The following DNAH9 variants were observed in gnomAD, a reference collection of about 807,000 sequenced individuals.
The protein encoded by DNAH9 is dynein axonemal heavy chain 9, also known as DNAH9 variant protein.
DNAH9 carries 345 observed loss-of-function variants against 471.6 expected under a neutral mutation model. The ratio of observed to expected loss-of-function variants is 0.73; its 90% confidence interval spans 0.67 to 0.80. DNAH9 has a LOEUF of 0.80. DNAH9 is among the 30% of genes least tolerant of loss of function. The probability of loss-of-function intolerance (pLI) is 0.00; values close to 1 mark genes in which losing one functional copy is unlikely to be tolerated. For missense variants in DNAH9, 5,407 were observed against 5,609.2 expected, an observed-to-expected ratio of 0.96 and a Z score of 1.15; for synonymous variants, 2,093 against 2,123.6, an observed-to-expected ratio of 0.99 and a Z score of 0.40.
chr17:11,948,980 A>G (rs1049900352), intron 67 of DNAH9, among the ~76,000 whole-genome samples: 5 of 152,208 alleles, frequency 3.3e-5, no homozygotes, highest in Non-Finnish European at 7.3e-5. Flanking sequence ...CTTCAGACAC[A>G]TCAGAGATCA....
chr17:11,801,334 G>T (rs190643263), intron 43 of DNAH9, among the ~76,000 whole-genome samples: 159 of 152,270 alleles, frequency 1.0e-3, no homozygotes, highest in Admixed American at 2.5e-3. Context: ...CTTGCTCACT[G>T]CTGAAACCTT....
At chr17:11,772,901 G>A (rs928022094) in intron 38 of DNAH9, among the ~76,000 whole-genome samples, 1 of 152,204 alleles carries the variant, frequency 6.6e-6, no homozygotes, top group Non-Finnish European at 1.5e-5. Flanking sequence ...GAAAAATGCT[G>A]TATTCCCTTA....
intron 27 of DNAH9, among the ~76,000 whole-genome samples, chr17:11,725,232 G>A (rs967074773): frequency 6.6e-6 from 1 of 152,188 alleles, no homozygotes; most frequent in Non-Finnish European, 1.5e-5. Context: ...CTGATTTAAG[G>A]TACACAAACA....
At chr17:11,840,050 A>G (rs1373299950) in intron 49 of DNAH9, among the ~76,000 whole-genome samples, 10 of 152,314 alleles carry the variant, frequency 6.6e-5, no homozygotes, top group Non-Finnish European at 4.4e-5. Flanking sequence ...TGACCCAGCA[A>G]TCCCTCTTTT....
At chr17:11,610,980 C>G (rs2072621949) in intron 3 of DNAH9, among the ~76,000 whole-genome samples, 1 of 152,076 alleles carries the variant, frequency 6.6e-6, no homozygotes, top group African/African-American at 2.4e-5. Flanking sequence ...TTCCTGTGTT[C>G]CGGCTCATCA....
chr17:11,710,541 A>T (rs2074811106), intron 26 of DNAH9, among the ~76,000 whole-genome samples: 1 of 152,146 alleles, frequency 6.6e-6, no homozygotes, highest in South Asian at 2.1e-4. Context: ...TATTATTCAA[A>T]ATTGTATCAA....
intron 43 of DNAH9, among the ~76,000 whole-genome samples, chr17:11,801,358 AT>A (rs1969450859): frequency 6.6e-6 from 1 of 152,168 alleles, no homozygotes; most frequent in Non-Finnish European, 1.5e-5. Flanking sequence ...ATCTTAGACA[AT>A]GCCTAGTGCA....
At chr17:11,644,998 C>G (rs2073353845) in intron 11 of DNAH9, among the ~76,000 whole-genome samples, 1 of 152,182 alleles carries the variant, frequency 6.6e-6, no homozygotes, top group Non-Finnish European at 1.5e-5. Flanking sequence ...CGGAAAATTG[C>G]AACAGCTGCT....
intron 64 of DNAH9, among the ~76,000 whole-genome samples, chr17:11,933,368 T>C (rs1363026012): frequency 6.6e-6 from 1 of 152,022 alleles, no homozygotes; most frequent in Non-Finnish European, 1.5e-5. Flanking sequence ...GATGTAATTC[T>C]TCAAGCTTTT....
chr17:11,692,105 C>T (rs1380886059), intron 20 of DNAH9, among the ~76,000 whole-genome samples: 1 of 152,146 alleles, frequency 6.6e-6, no homozygotes, highest in Non-Finnish European at 1.5e-5. Flanking sequence ...CCAGCCTACC[C>T]TCTTGTTTTT....
chr17:11,843,413 A>G (rs1391114611), intron 49 of DNAH9, among the ~76,000 whole-genome samples: 1 of 152,190 alleles, frequency 6.6e-6, no homozygotes, highest in Non-Finnish European at 1.5e-5. Flanking sequence ...AAATTTGTTG[A>G]AACTGTGAAG....
chr17:11,619,982 G>A (rs1398925952), intron 6 of DNAH9: 2 of 562,498 alleles, frequency 3.6e-6, no homozygotes, highest in African/African-American at 3.8e-5. Context: ...AGGCAAAGGT[G>A]GGTGGATTGC....
chr17:11,797,121 T>A (rs563126751), intron 42 of DNAH9, among the ~76,000 whole-genome samples: 2 of 152,264 alleles, frequency 1.3e-5, no homozygotes, highest in South Asian at 4.1e-4. Context: ...ACCTATGAAT[T>A]CAGGGCTGGC....
intron 33 of DNAH9, among the ~76,000 whole-genome samples, chr17:11,755,773 A>G (rs946475373): frequency 1.3e-5 from 2 of 152,186 alleles, no homozygotes; most frequent in Non-Finnish European, 2.9e-5. Context: ...AGAAAATACT[A>G]TTCATCACAA....
intron 7 of DNAH9, among the ~76,000 whole-genome samples, chr17:11,629,831 C>T (rs570049984): frequency 1.3e-5 from 2 of 152,314 alleles, no homozygotes; most frequent in South Asian, 4.1e-4. Context: ...CTGCTCCAGA[C>T]TAATGACACC....
At chr17:11,854,769 G>T (rs1971563050) in intron 50 of DNAH9, among the ~76,000 whole-genome samples, 1 of 152,102 alleles carries the variant, frequency 6.6e-6, no homozygotes, top group Non-Finnish European at 1.5e-5. Context: ...GTTCCCTTCA[G>T]TTCTAGCCAA....
chr17:11,903,061 C>A (rs1251986689), intron 60 of DNAH9, 149 bp downstream of exon 60: 2 of 875,338 alleles, frequency 2.3e-6, no homozygotes, highest in Non-Finnish European at 3.4e-6. Context: ...ACTAAACAGG[C>A]CAGGCGCGGT....
chr17:11,960,435 T>TAAAAAAAAAAAAAAAAAAAAA lies in DNAH9; in HGVS notation c.12844-1425_12844-1405dup, dbSNP rs3074845. ...TGGGTGACAGAGCAAGACTCTGTCT[T>TAAAAAAAAAAAAAAAAAAAAA]AAAAAAAAAAAAAAAAAAAAAAAAA... On this transcript the variant is annotated intron_variant, in intron 67 of 68. Coordinates refer to ENST00000262442, the MANE Select transcript of DNAH9 (RefSeq NM_001372.4). Among the ~76,000 whole-genome samples, 53 of 54,044 alleles carry TAAAAAAAAAAAAAAAAAAAAA rather than the reference T, an allele frequency of 9.8e-4. 1 individual carries two copies. The highest frequency in any genetic ancestry group is 1.4e-3 in the Non-Finnish European group (42 of 30,426). The allele number at this position is 54,044 out of a possible 152,430, so 35.5% of individuals were successfully genotyped here.
chr17:11,856,719 G>A (rs1220975990), intron 50 of DNAH9, among the ~76,000 whole-genome samples: 1 of 150,322 alleles, frequency 6.7e-6, no homozygotes, highest in East Asian at 1.9e-4. Flanking sequence ...AAAAAAAAAA[G>A]AACTTTGGCA....
Sources: allele counts gnomAD v4.1 joint callset (sites outside exome capture counted in the v4.1 genomes callset), GRCh38; gene constraint gnomAD v4.1.1; transcripts MANE v1.5; gene names NCBI Gene and HGNC (gene_info 2026-07-23, HGNC 2026-07-21).